Variants in COL5A2 observed in about 807,000 individuals in gnomAD.
COL5A2 encodes the protein collagen alpha-2(V) chain.
Under a neutral mutation model 208.2 loss-of-function variants are expected in COL5A2, and 23 were observed. The ratio of observed to expected loss-of-function variants is 0.11; its 90% confidence interval spans 0.08 to 0.16. The LOEUF (loss-of-function observed/expected upper bound fraction) is 0.16, where lower values mean the gene tolerates loss of function less well. Among genes scored for constraint, COL5A2 ranks in the 10% least tolerant of loss-of-function variants. The probability of loss-of-function intolerance (pLI) is 1.00; values close to 1 mark genes in which losing one functional copy is unlikely to be tolerated. For missense variants in COL5A2, 1,590 were observed against 1,956.4 expected (o/e 0.81, Z 3.53); for synonymous variants, 625 against 628.5 (o/e 0.99, Z 0.08).
the COL5A2 span, among the ~76,000 whole-genome samples, chr2:189,353,035 T>A: frequency 2.1e-4 from 32 of 152,326 alleles, no homozygotes; most frequent in African/African-American, 7.7e-4. Flanking sequence ...ACGCCATTTA[T>A]TAAATAGGGA....
At position 189,100,169 on chromosome 2, in the gene COL5A2, A is replaced by C. The variant is rs370057448; in HGVS notation, c.337-30T>G. 563 of 1,586,740 alleles carry C rather than the reference A, an allele frequency of 3.5e-4. 1 individual carries two copies. Among genetic ancestry groups the C allele is most frequent in the Non-Finnish European group, 4.4e-4 (514 of 1,155,622 alleles). On this transcript the variant is annotated intron_variant, in intron 3 of 53. Transcript: ENST00000374866. ...GACATTAAAAACAATTCAAAAATTCAATTAGCACAATATAATGGCTTGCTG... is the reference window on the plus strand; with the variant it reads ...GACATTAAAAACAATTCAAAAATTCCATTAGCACAATATAATGGCTTGCTG...
chr2:189,342,312 C>T, the COL5A2 span, among the ~76,000 whole-genome samples: 2 of 147,346 alleles, frequency 1.4e-5, no homozygotes, highest in East Asian at 2.0e-4. Flanking sequence ...ATATATAGAA[C>T]CAAATACAAG....
At chr2:189,215,590 A>G (rs948675605) in intron 1 of COL5A2, among the ~76,000 whole-genome samples, 1 of 152,052 alleles carries the variant, frequency 6.6e-6, no homozygotes, top group Non-Finnish European at 1.5e-5. Flanking sequence ...TTTAAATTAT[A>G]TGTGTGGCTT....
At chr2:189,061,724 CAT>C (rs576738013) in intron 29 of COL5A2, 109 bp from the exon 30 acceptor site, 193 of 870,368 alleles carry the variant, frequency 2.2e-4, no homozygotes, top group South Asian at 1.6e-3. Flanking sequence ...CTTCCAATCA[CAT>C]GTTTTTCTCT....
At chr2:189,080,692 C>G (rs994803792) in intron 13 of COL5A2, among the ~76,000 whole-genome samples, 1 of 152,090 alleles carries the variant, frequency 6.6e-6, no homozygotes, top group Admixed American at 6.6e-5. Context: ...TCATCCGTAT[C>G]CCCCATTAGC....
rs139577998 is a variant in COL5A2, at chr2:189,087,713, T to C, written c.646-943A>G. On this transcript the variant is annotated intron_variant, in intron 8 of 53. Transcript: ENST00000374866. ...CAATCTCCTGACCTTGTGATCCGTC[T>C]GCCATGGCCTCCCAAAGTGCTGGGA... Among the ~76,000 whole-genome samples the C allele has an allele frequency of 2.7e-5, 4 of 150,056 alleles. No individual in the cohort carries two copies. The East Asian group carries it at 7.8e-4, about 29-fold the overall frequency.
chr2:189,441,070 G>A, the COL5A2 span, among the ~76,000 whole-genome samples: 2 of 152,076 alleles, frequency 1.3e-5, no homozygotes, highest in Non-Finnish European at 2.9e-5. Flanking sequence ...CCAGGGACGC[G>A]AGAGGCTCGC....
At chr2:189,184,887 C>T (rs149700662) in intron 1 of COL5A2, among the ~76,000 whole-genome samples, 154 of 152,270 alleles carry the variant, frequency 1.0e-3, no homozygotes, top group Middle Eastern at 3.4e-3. Context: ...GCCATTATGG[C>T]TAGCATGATA....
the COL5A2 span, among the ~76,000 whole-genome samples, chr2:189,295,376 G>T: frequency 6.6e-6 from 1 of 152,012 alleles, no homozygotes; most frequent in Admixed American, 6.6e-5. Flanking sequence ...GGCCAAGGTT[G>T]GGGGGTGGAT....
At chr2:189,337,932 G>T in the COL5A2 span, among the ~76,000 whole-genome samples, 1 of 152,146 alleles carries the variant, frequency 6.6e-6, no homozygotes, top group Non-Finnish European at 1.5e-5. Context: ...GAAGGAAGAC[G>T]TGCAGTTCTA....
At chr2:189,256,245 A>G in the COL5A2 span, among the ~76,000 whole-genome samples, 1 of 152,210 alleles carries the variant, frequency 6.6e-6, no homozygotes, top group East Asian at 1.9e-4. Context: ...TTTTGAGAGC[A>G]CTATCCTTTG....
In COL5A2 at chr2:189,057,346, C is replaced by T. The variant is rs1357408674; in HGVS notation, c.2311G>A (p.Gly771Arg). 12 of 1,606,808 alleles carry T rather than the reference C, an allele frequency of 7.5e-6. No homozygotes were observed. The highest frequency in any genetic ancestry group is 1.0e-5 in the Non-Finnish European group (12 of 1,174,850). Residue 771 changes from glycine (G) to arginine (R), a missense_variant, in exon 34 of 54, where the codon GGA becomes AGA. By Grantham distance (125) the Gly-to-Arg change is moderately radical. Transcript: ENST00000374866. ...QGMPGERGIA[G>R]TPGPKGDRGG... The stretch of plus-strand genomic sequence containing the variant: ...CTGTCACCCTTGGGGCCAGGAGTTC[C>T]TGCAATTCCTCTTTCTCCCGGCATA...
the COL5A2 span, among the ~76,000 whole-genome samples, chr2:189,375,473 G>A: frequency 6.6e-6 from 1 of 152,178 alleles, no homozygotes; most frequent in Admixed American, 6.5e-5. Flanking sequence ...TCTTCACAAT[G>A]GGGACAATGG....
chr2:189,175,802 C>G (rs1418154227), intron 1 of COL5A2, among the ~76,000 whole-genome samples: 1 of 152,160 alleles, frequency 6.6e-6, no homozygotes, highest in African/African-American at 2.4e-5. Context: ...ATCCGCCCAC[C>G]TCGGCCTCCC....
At chr2:189,088,881 T>A (rs1214148487) in intron 7 of COL5A2, 109 bp from the exon 8 acceptor site, 5 of 890,588 alleles carry the variant, frequency 5.6e-6, no homozygotes, top group Middle Eastern at 2.2e-4. Flanking sequence ...ATGACTCTTC[T>A]GAGAATCATT....
rs763569077 is a variant in COL5A2, at chr2:189,068,818, G to C, written c.1225C>G (p.Pro409Ala). The part of the protein sequence containing the change: ...GPQGQRGETG[P>A]PGPVGSPGLP... ...CCTGGAGAGCCAACTGGACCTGGGG[G>C]CCCAGTTTCACCTCTCTGCCCCTGA... Residue 409 changes from proline (P) to alanine (A), a missense_variant, in exon 19 of 54, where the codon CCC (proline) becomes GCC (alanine). Coordinates refer to ENST00000374866, the MANE Select transcript of COL5A2 (RefSeq NM_000393.5). 1 of 1,613,132 alleles carries C rather than the reference G, an allele frequency of 6.2e-7. No homozygotes were observed. The highest frequency in any genetic ancestry group is 1.7e-5 in the Admixed American group (1 of 59,974).
the COL5A2 span, among the ~76,000 whole-genome samples, chr2:189,316,589 G>C: frequency 2.0e-5 from 3 of 152,052 alleles, no homozygotes; most frequent in Non-Finnish European, 2.9e-5. Flanking sequence ...GGGTCCTTCA[G>C]AGGGTAAAGA....
At chr2:189,317,036 T>A in the COL5A2 span, among the ~76,000 whole-genome samples, 1 of 152,012 alleles carries the variant, frequency 6.6e-6, no homozygotes, top group Non-Finnish European at 1.5e-5. Context: ...CCCACAAAAA[T>A]TAACAAGAAA....
At chr2:189,125,647 T>A (rs1173303131) in intron 1 of COL5A2, among the ~76,000 whole-genome samples, 1 of 152,166 alleles carries the variant, frequency 6.6e-6, no homozygotes, top group Non-Finnish European at 1.5e-5. Context: ...TCTTCCTTTT[T>A]CTAGCTTCAT....
Sources: gnomAD v4.1 joint callset for allele counts (sites outside exome capture counted in the v4.1 genomes callset) on GRCh38, gnomAD v4.1.1 for gene constraint, MANE v1.5 for transcripts, NCBI Gene and HGNC (gene_info 2026-07-23, HGNC 2026-07-21) for gene names.